The following LIPE variants were observed in gnomAD, a reference collection of about 807,000 sequenced individuals.
The protein encoded by LIPE is lipase E, hormone sensitive type.
Under a neutral mutation model 88.5 loss-of-function variants are expected in LIPE, and 66 were observed. That is an observed-to-expected ratio of 0.75 (90% CI 0.61 to 0.91). The LOEUF (loss-of-function observed/expected upper bound fraction) is 0.91. Ranked by LOEUF, LIPE falls within the 40% of genes least tolerant of loss-of-function variation. The probability of loss-of-function intolerance (pLI) is 0.00; values close to 1 mark genes in which losing one functional copy is unlikely to be tolerated. For synonymous variants in LIPE, 570 were observed against 617.5 expected, an observed-to-expected ratio of 0.92 and a Z score of 1.14; for missense variants, 1,346 against 1,434.7, an observed-to-expected ratio of 0.94 and a Z score of 1.00.
At chr19:42,412,539 G>C (rs184488608) in intron 1 of LIPE, 16 of 986,098 alleles carry the variant, frequency 1.6e-5, no homozygotes, top group Middle Eastern at 5.2e-4. Context: ...AAACAGAGTA[G>C]AGGGCTCAGC....
Position 42,410,707 on chromosome 19 carries a change from C to A in LIPE, c.1019G>T (p.Gly340Val), listed in dbSNP as rs1169062511. ...TAQRLSGVFA[G>V]VREQALGLEP... ...CAGCCCCAGCGCCTGCTCCCGTACA[C>A]CGGCAAAAACGCCTGACAGCCGCTG... The change falls in exon 2 of 10, where the codon GGT (glycine) becomes GTT (valine). Residue 340 changes from glycine (G) to valine (V), a missense_variant. Gly to Val is a moderately radical substitution (Grantham distance 109). Coordinates refer to ENST00000244289, the MANE Select transcript of LIPE (RefSeq NM_005357.4). This position sits in a 1 kb window ranked among gnomAD's most constrained non-coding sequence, Gnocchi z 6.1. 6.2e-7 allele frequency: 1 copy of A among 1,613,750 alleles called. No homozygotes were observed. Among genetic ancestry groups the A allele is most frequent in the Non-Finnish European group, 8.5e-7 (1 of 1,179,756 alleles).
Position 42,412,273 on chromosome 19 carries a change from C to T in LIPE, c.884-1431G>A, listed in dbSNP as rs1032592858. ...TTCCCTCCCAAAGCCCAGCACCTTG[C>T]CTGTTCCCCTAGAAGAAGGTATTTC... On this transcript the variant is annotated intron_variant, in intron 1 of 9. Transcript: ENST00000244289. The T allele has an allele frequency of 1.0e-5, 10 of 985,472 alleles. No individual in the cohort carries two copies. In the African/African-American group the frequency reaches 1.6e-4, roughly 15 times the overall value. The allele number at this position is 985,472 out of a possible 1,614,324, so 61.0% of individuals were successfully genotyped here. A position where few individuals can be genotyped will look rare whatever the true frequency, so the allele number is the denominator to read the frequency against.
chr19:42,423,641 C>T, intron 1 of LIPE: 1 of 1,170,164 alleles, frequency 8.5e-7, no homozygotes, highest in Non-Finnish European at 1.1e-6. Flanking sequence ...ATTACCCAAT[C>T]CCGAGCTTGC....
chr19:42,411,542 G>A (rs899374302), intron 1 of LIPE, among the ~76,000 whole-genome samples: 1 of 152,010 alleles, frequency 6.6e-6, no homozygotes, highest in Non-Finnish European at 1.5e-5. Flanking sequence ...CCCATCTCTC[G>A]GGACCCTGGT....
intron 1 of LIPE, chr19:42,412,130 T>G: frequency 3.8e-5 from 12 of 317,226 alleles, no homozygotes; most frequent in Non-Finnish European, 5.5e-5. Context: ...CAGTCCCCAG[T>G]GATCTTTCCT....
intron 1 of LIPE, among the ~76,000 whole-genome samples, chr19:42,415,365 G>C (rs1173867568): frequency 6.6e-6 from 1 of 152,230 alleles, no homozygotes; most frequent in African/African-American, 2.4e-5. Flanking sequence ...AAAGCCAGAA[G>C]TGATTAAGCT....
At chr19:42,403,287 G>A (rs2147567294) in intron 8 of LIPE, among the ~76,000 whole-genome samples, 1 of 145,364 alleles carries the variant, frequency 6.9e-6, no homozygotes, top group Admixed American at 6.8e-5. Flanking sequence ...GTGTGTGTGT[G>A]TGTGTGACTG....
rs1294374292 is a variant in LIPE at position 42,408,630 on chromosome 19, G to A, written c.1420-308C>T. Among the ~76,000 whole-genome samples, 2 of 151,898 alleles carry A rather than the reference G, an allele frequency of 1.3e-5. No individual in the cohort carries two copies. The highest frequency in any genetic ancestry group is 6.6e-5 in the Admixed American group (1 of 15,254). On this transcript the variant is annotated intron_variant, in intron 2 of 9. Coordinates refer to ENST00000244289, the MANE Select transcript of LIPE (RefSeq NM_005357.4). The surrounding 1 kb of genome is among the most constrained non-coding windows in gnomAD (Gnocchi z 4.3). ...GACTAGGGGTCAGGCTACTTAGCGGGTCTCGGAGGAGAGATCTGACTGAAG... is the reference window on the plus strand; with the variant it reads ...GACTAGGGGTCAGGCTACTTAGCGGATCTCGGAGGAGAGATCTGACTGAAG...
At chr19:42,409,430 G>A (rs569950011) in intron 2 of LIPE, among the ~76,000 whole-genome samples, 1 of 151,910 alleles carries the variant, frequency 6.6e-6, no homozygotes, top group African/African-American at 2.4e-5. Flanking sequence ...AATACAATGG[G>A]GACACAGGAT....
Position 42,402,646 on chromosome 19 carries a change from G to C in LIPE, c.2928C>G (p.Pro976=). 6.7e-7 allele frequency: 1 copy of C among 1,497,582 alleles called. No individual in the cohort carries two copies. Among genetic ancestry groups the C allele is most frequent in the Non-Finnish European group, 8.9e-7 (1 of 1,121,370 alleles). 92.8% of individuals were successfully genotyped at this position (1,497,582 alleles called of 1,614,324 possible). Residue 976 remains proline (P), a synonymous_variant, in exon 9 of 10, where the codon CCC becomes CCG. Transcript: ENST00000244289. ...GTGGCAGGCTCTTGAGCATGCTGTCGGGTGCCAGCAGCGGCGACATGAAGG... is the reference window on the plus strand; with the variant it reads ...GTGGCAGGCTCTTGAGCATGCTGTCCGGTGCCAGCAGCGGCGACATGAAGG... ...KNPFMSPLLA[P]DSMLKSLPPV...
chr19:42,420,013 T>C (rs1004451932), intron 1 of LIPE, among the ~76,000 whole-genome samples: 10 of 151,614 alleles, frequency 6.6e-5, no homozygotes, highest in Admixed American at 3.3e-4. Context: ...TCTTTTCTTT[T>C]TTTTTTTTTT....
At chr19:42,424,751 C>A in intron 1 of LIPE, 1 of 389,386 alleles carries the variant, frequency 2.6e-6, no homozygotes. Flanking sequence ...GGGACTTCAA[C>A]AAGTAACCTC....
intron 2 of LIPE, among the ~76,000 whole-genome samples, chr19:42,409,761 G>T (rs1482864082): frequency 6.6e-6 from 1 of 152,210 alleles, no homozygotes; most frequent in Non-Finnish European, 1.5e-5. Flanking sequence ...ACACAGGGAG[G>T]AGCTGGCTGG....
chr19:42,407,578 C>T lies in LIPE; in HGVS notation c.1842+28G>A, dbSNP rs1458352061. On this transcript the variant is annotated intron_variant, in intron 5 of 9. Coordinates refer to ENST00000244289, the MANE Select transcript of LIPE (RefSeq NM_005357.4). This position sits in a 1 kb window ranked among gnomAD's most constrained non-coding sequence, Gnocchi z 5.8. ...CTGCCCACGCTCCTCGGCTCTGTCC[C>T]TGTCCCTGGCTGAGGCTGGAACCCT... is the stretch of plus-strand genomic sequence containing the variant. 2 of 1,590,978 alleles carry T rather than the reference C, an allele frequency of 1.3e-6. No homozygotes were observed. Among genetic ancestry groups the T allele is most frequent in the Admixed American group, 1.7e-5 (1 of 58,054 alleles).
In LIPE at chr19:42,407,156, T is replaced by C. The variant is rs1334971123; in HGVS notation, c.2137+18A>G. ...GGATGGGAGCAGGCGCAGGTGGCTG[T>C]GGGGGCCTGAGGCTCACCAAGGAGG... is the stretch of plus-strand genomic sequence containing the variant. On this transcript the variant is annotated intron_variant, in intron 6 of 9. Coordinates refer to ENST00000244289, the MANE Select transcript of LIPE (RefSeq NM_005357.4). The surrounding 1 kb of genome is among the most constrained non-coding windows in gnomAD (Gnocchi z 5.8). 6.8e-7 allele frequency: 1 copy of C among 1,475,352 alleles called. No individual in the cohort carries two copies. Among genetic ancestry groups the C allele is most frequent in the Non-Finnish European group, 9.0e-7 (1 of 1,111,066 alleles). The allele number at this position is 1,475,352 out of a possible 1,614,324, so 91.4% of individuals were successfully genotyped here. A position where few individuals can be genotyped will look rare whatever the true frequency, so the allele number is the denominator to read the frequency against.
Position 42,427,280 on chromosome 19 carries a change from T to C in LIPE, c.-131A>G. ...CTTCCTCTTGGGTTTCACTCCATCCTAGCATCACTGGTCTTCCTTTTTAAG... is the reference window on the plus strand; with the variant it reads ...CTTCCTCTTGGGTTTCACTCCATCCCAGCATCACTGGTCTTCCTTTTTAAG... On this transcript the variant is annotated 5_prime_UTR_variant, in exon 1 of 10. Transcript: ENST00000244289. 7.0e-7 allele frequency: 1 copy of C among 1,423,658 alleles called. No individual in the cohort carries two copies. Among genetic ancestry groups the C allele is most frequent in the South Asian group, 1.6e-5 (1 of 62,090 alleles). The allele number at this position is 1,423,658 out of a possible 1,614,324, so 88.2% of individuals were successfully genotyped here.
chr19:42,407,650 G>A lies in LIPE; in HGVS notation c.1798C>T (p.Pro600Ser). 1 of 1,611,030 alleles carries A rather than the reference G, an allele frequency of 6.2e-7. No homozygotes were observed. Among genetic ancestry groups the A allele is most frequent in the Admixed American group, 1.7e-5 (1 of 59,540 alleles). Residue 600 changes from proline (P) to serine (S), a missense_variant, in exon 5 of 10, where the codon CCC (proline) becomes TCC (serine). Coordinates refer to ENST00000244289, the MANE Select transcript of LIPE (RefSeq NM_005357.4). This position sits in a 1 kb window ranked among gnomAD's most constrained non-coding sequence, Gnocchi z 5.8. Reference protein sequence around the residue: ...SPPLAHTGPGPVLVRLISYDL... With the variant: ...SPPLAHTGPGSVLVRLISYDL... ...TAGGAGATGAGCCTGACGAGGACGG[G>A]CCCAGGGCCTGTGTGGGCCAGTGGG...
chr19:42,414,592 C>A lies in LIPE; in HGVS notation c.884-3750G>T, dbSNP rs1033499021. Reference sequence around the variant, plus strand: ...AGTTTACTACAGGAATACCTTGCTTCACTGTGCCTCGCACATACTGCATTT... The same window carrying A: ...AGTTTACTACAGGAATACCTTGCTTAACTGTGCCTCGCACATACTGCATTT... On this transcript the variant is annotated intron_variant, in intron 1 of 9. Transcript: ENST00000244289. This position sits in a 1 kb window ranked among gnomAD's most constrained non-coding sequence, Gnocchi z 4.6. Among the ~76,000 whole-genome samples the A allele has an allele frequency of 6.6e-6, 1 of 152,262 alleles. No individual in the cohort carries two copies. The highest frequency in any genetic ancestry group is 1.5e-5 in the Non-Finnish European group (1 of 68,054).
Position 42,426,882 on chromosome 19 carries a change from G to T in LIPE, c.268C>A (p.Pro90Thr). ...GATTGCTGTGGTGCGGGCTTCTGTG[G>T]GGCAAGAAATTCCTCTTGTGAAGCA... ...KSASQEEFLA[P>T]QKPAPQQSPY... Residue 90 changes from proline to threonine, a missense_variant, in exon 1 of 10, where the codon CCA (proline) becomes ACA (threonine). Pro to Thr is a conservative substitution (Grantham distance 38, BLOSUM62 -1). Transcript: ENST00000244289. The T allele has an allele frequency of 6.2e-7, 1 of 1,614,136 alleles. No homozygotes were observed. Among genetic ancestry groups the T allele is most frequent in the Non-Finnish European group, 8.5e-7 (1 of 1,180,022 alleles).
Sources: allele counts gnomAD v4.1 joint callset (sites outside exome capture counted in the v4.1 genomes callset), GRCh38; gene constraint gnomAD v4.1.1; non-coding constraint Gnocchi (gnomAD v3.1); transcripts MANE v1.5; gene names NCBI Gene and HGNC (gene_info 2026-07-23, HGNC 2026-07-21).